COL19A1: variants seen among roughly 807,000 people sequenced by gnomAD.
The protein encoded by COL19A1 is collagen alpha-1(XIX) chain.
COL19A1 carries 159 observed loss-of-function variants against 190.2 expected under a neutral mutation model. That is an observed-to-expected ratio of 0.84 (90% confidence interval 0.73 to 0.95). The LOEUF (loss-of-function observed/expected upper bound fraction) is 0.95, where lower values mean the gene tolerates loss of function less well. COL19A1 is among the 40% of genes least tolerant of loss of function. The pLI, the probability that COL19A1 is intolerant of heterozygous loss-of-function variation, is 0.00. For synonymous variants in COL19A1, 509 were observed against 458.9 expected, an observed-to-expected ratio of 1.11 and a Z score of -1.39; for missense variants, 1,418 against 1,431.9, an observed-to-expected ratio of 0.99 and a Z score of 0.16.
intron 12 of COL19A1, among the ~76,000 whole-genome samples, chr6:70,028,429 C>G (rs1185575839): frequency 6.6e-6 from 1 of 152,172 alleles, no homozygotes; most frequent in African/African-American, 2.4e-5. Context: ...TCTCTCAGAG[C>G]TGCCCTCAGA....
chr6:69,898,836 A>G, intron 2 of COL19A1, 112 bp from the exon 3 acceptor site: 1 of 684,904 alleles, frequency 1.5e-6, no homozygotes, highest in Non-Finnish European at 2.5e-6. Flanking sequence ...TTTTACAGAA[A>G]TTTAATAAAT....
intron 11 of COL19A1, among the ~76,000 whole-genome samples, chr6:70,006,846 A>T (rs1045835307): frequency 2.6e-5 from 4 of 152,128 alleles, no homozygotes; most frequent in African/African-American, 7.2e-5. Flanking sequence ...GAAATTTGCC[A>T]TAGTTTTCTG....
At chr6:70,149,958 T>G in intron 29 of COL19A1, 34 bp from the exon 30 acceptor site, 5 of 1,613,814 alleles carry the variant, frequency 3.1e-6, no homozygotes, top group Non-Finnish European at 4.2e-6. Context: ...CTGTGCCACG[T>G]GCAAAGATTG....
intron 4 of COL19A1, among the ~76,000 whole-genome samples, chr6:69,920,630 T>C (rs1027945671): frequency 2.0e-5 from 3 of 152,062 alleles, no homozygotes; most frequent in Admixed American, 6.6e-5. Context: ...TTTGAAAATA[T>C]TGATTTTATA....
At chr6:70,010,653 G>A (rs1370546547) in intron 11 of COL19A1, among the ~76,000 whole-genome samples, 2 of 138,756 alleles carry the variant, frequency 1.4e-5, no homozygotes, top group African/African-American at 3.0e-5. Flanking sequence ...TTTTCAGACC[G>A]GCTTAAGAAA....
intron 15 of COL19A1, among the ~76,000 whole-genome samples, chr6:70,100,140 T>C (rs1261891815): frequency 6.6e-6 from 1 of 152,196 alleles, no homozygotes; most frequent in Non-Finnish European, 1.5e-5. Flanking sequence ...AAACTAAAGT[T>C]GATCCTATGG....
At chr6:70,093,976 C>A (rs562815902) in intron 15 of COL19A1, among the ~76,000 whole-genome samples, 1 of 152,264 alleles carries the variant, frequency 6.6e-6, no homozygotes, top group East Asian at 1.9e-4. Context: ...TAGCTCTGAA[C>A]CTATTTCAAG....
intron 15 of COL19A1, among the ~76,000 whole-genome samples, chr6:70,081,769 G>C (rs1163968913): frequency 6.6e-6 from 1 of 152,076 alleles, no homozygotes; most frequent in Non-Finnish European, 1.5e-5. Context: ...TAGGATTATA[G>C]AATTAATTCA....
intron 17 of COL19A1, among the ~76,000 whole-genome samples, chr6:70,122,668 A>T (rs921753892): frequency 1.3e-5 from 2 of 152,170 alleles, no homozygotes; most frequent in East Asian, 3.8e-4. Flanking sequence ...TTCTTGCACC[A>T]CAGAAAGAAT....
At chr6:69,974,441 G>A (rs1775597723) in intron 11 of COL19A1, among the ~76,000 whole-genome samples, 2 of 152,128 alleles carry the variant, frequency 1.3e-5, no homozygotes, top group African/African-American at 4.8e-5. Flanking sequence ...CCCACTTAAG[G>A]TTTACTTATG....
chr6:70,099,983 A>C (rs1347179835), intron 15 of COL19A1, among the ~76,000 whole-genome samples: 1 of 152,216 alleles, frequency 6.6e-6, no homozygotes. Context: ...TCCTCATCTT[A>C]ACACATGCCA....
intron 15 of COL19A1, among the ~76,000 whole-genome samples, chr6:70,081,362 A>G (rs902892129): frequency 6.6e-6 from 1 of 152,200 alleles, no homozygotes; most frequent in Non-Finnish European, 1.5e-5. Flanking sequence ...TTTCTTTACC[A>G]CATCATTTTC....
intron 17 of COL19A1, among the ~76,000 whole-genome samples, chr6:70,129,241 A>G (rs1785377197): frequency 6.6e-6 from 1 of 152,202 alleles, no homozygotes; most frequent in African/African-American, 2.4e-5. Context: ...ACTTAAGGGA[A>G]ATGTGTGCTG....
intron 18 of COL19A1, among the ~76,000 whole-genome samples, chr6:70,137,072 C>T (rs892868070): frequency 6.6e-6 from 1 of 152,148 alleles, no homozygotes; most frequent in African/African-American, 2.4e-5. Context: ...CAAAAACACT[C>T]TTTATATGTC....
intron 34 of COL19A1, among the ~76,000 whole-genome samples, chr6:70,161,541 G>A (rs1787804774): frequency 6.6e-6 from 1 of 152,094 alleles, no homozygotes; most frequent in African/African-American, 2.4e-5. Context: ...AAAGCATACA[G>A]AGTGATATAA....
chr6:70,128,386 A>C (rs1785326939), intron 17 of COL19A1, among the ~76,000 whole-genome samples: 1 of 152,166 alleles, frequency 6.6e-6, no homozygotes, highest in African/African-American at 2.4e-5. Flanking sequence ...AGGAAATCCA[A>C]CCTCTAACAG....
chr6:70,049,477 TTGGA>T (rs2150130812), intron 14 of COL19A1, among the ~76,000 whole-genome samples: 1 of 152,170 alleles, frequency 6.6e-6, no homozygotes, highest in South Asian at 2.1e-4. Context: ...GATTTATGTT[TTGGA>T]AAAACTTACA....
intron 2 of COL19A1, among the ~76,000 whole-genome samples, chr6:69,895,840 A>G (rs746705436): frequency 1.1e-4 from 17 of 152,150 alleles, no homozygotes; most frequent in Non-Finnish European, 2.2e-4. Flanking sequence ...TTTTCATTGT[A>G]TATGCCACAA....
chr6:70,035,477 G>A (rs758526412), intron 13 of COL19A1, among the ~76,000 whole-genome samples: 2 of 152,188 alleles, frequency 1.3e-5, no homozygotes, highest in South Asian at 4.1e-4. Context: ...GCTTCTTGCA[G>A]CTGGGAAGCA....
Sources: allele counts gnomAD v4.1 joint callset (sites outside exome capture counted in the v4.1 genomes callset), GRCh38; gene constraint gnomAD v4.1.1; transcripts MANE v1.5; gene names NCBI Gene and HGNC (gene_info 2026-07-23, HGNC 2026-07-21).